Variants in ARL15 observed in about 807,000 individuals in gnomAD.
ARL15 encodes ARF like GTPase 15.
ARL15 carries 19 observed loss-of-function variants against 25.2 expected under a neutral mutation model. That is an observed-to-expected ratio of 0.75 (90% CI 0.53 to 1.10). ARL15 has a LOEUF of 1.10. Among genes scored for constraint, ARL15 ranks in the 50% least tolerant of loss-of-function variants. The pLI is 0.00. For synonymous variants in ARL15, 94 were observed against 86.8 expected, an observed-to-expected ratio of 1.08 and a Z score of -0.46; for missense variants, 220 against 246.0, an observed-to-expected ratio of 0.89 and a Z score of 0.71.
At chr5:54,148,798 G>A (rs894735828) in intron 3 of ARL15, among the ~76,000 whole-genome samples, 5 of 152,126 alleles carry the variant, frequency 3.3e-5, no homozygotes, top group African/African-American at 1.2e-4. Flanking sequence ...ACCCAGTCCT[G>A]GTTACAGAAT....
chr5:54,282,145 G>A (rs1334866757), intron 1 of ARL15: 1 of 524,562 alleles, frequency 1.9e-6, no homozygotes, highest in Non-Finnish European at 2.4e-6. Context: ...TTTCTAAAGT[G>A]GTTGTATATA....
intron 4 of ARL15, among the ~76,000 whole-genome samples, chr5:54,104,039 A>G (rs1752517012): frequency 6.6e-6 from 1 of 152,106 alleles, no homozygotes; most frequent in Non-Finnish European, 1.5e-5. Flanking sequence ...ATTACAGTAT[A>G]TAGTTTGTGC....
chr5:54,130,729 T>C (rs1753401562), intron 3 of ARL15, among the ~76,000 whole-genome samples: 1 of 152,096 alleles, frequency 6.6e-6, no homozygotes, highest in South Asian at 2.1e-4. Context: ...AAATATAGAA[T>C]TGATTTTTGG....
chr5:53,970,772 T>G (rs1657397658), intron 4 of ARL15, among the ~76,000 whole-genome samples: 1 of 152,198 alleles, frequency 6.6e-6, no homozygotes, highest in African/African-American at 2.4e-5. Context: ...TTAAAGTTAT[T>G]ATAACTAGTT....
intron 1 of ARL15, among the ~76,000 whole-genome samples, chr5:54,286,709 T>C (rs928311129): frequency 5.9e-5 from 9 of 152,322 alleles, no homozygotes; most frequent in African/African-American, 2.2e-4. Flanking sequence ...CTGAAAATTC[T>C]GATTAAAAAG....
At chr5:54,011,459 A>G (rs1343796994) in intron 4 of ARL15, among the ~76,000 whole-genome samples, 2 of 152,172 alleles carry the variant, frequency 1.3e-5, no homozygotes, top group African/African-American at 2.4e-5. Context: ...TTGTTTTTAA[A>G]TAAATAACAG....
chr5:54,252,633 G>A (rs1757262771), intron 1 of ARL15, among the ~76,000 whole-genome samples: 1 of 152,168 alleles, frequency 6.6e-6, no homozygotes, highest in South Asian at 2.1e-4. Context: ...TTAACATGGA[G>A]TTCATTTGGG....
At chr5:53,912,853 T>C (rs902209471) in intron 4 of ARL15, among the ~76,000 whole-genome samples, 1 of 152,206 alleles carries the variant, frequency 6.6e-6, no homozygotes, top group African/African-American at 2.4e-5. Context: ...TGAACAAAGC[T>C]GAATAATCCC....
chr5:54,273,458 T>C (rs538726908), intron 1 of ARL15, among the ~76,000 whole-genome samples: 2 of 152,284 alleles, frequency 1.3e-5, no homozygotes, highest in South Asian at 4.2e-4. Context: ...GCAAAATAAC[T>C]GGCCTGGCCT....
chr5:53,932,614 C>T (rs1435788773), intron 4 of ARL15, among the ~76,000 whole-genome samples: 2 of 152,174 alleles, frequency 1.3e-5, no homozygotes, highest in Non-Finnish European at 2.9e-5. Context: ...GTGCCTTGAT[C>T]AAGAGTACTG....
chr5:54,071,935 T>C (rs2112075550), intron 4 of ARL15, among the ~76,000 whole-genome samples: 1 of 140,504 alleles, frequency 7.1e-6, no homozygotes, highest in South Asian at 2.2e-4. Flanking sequence ...ATTGCACCAC[T>C]GCACGCCAGC....
intron 4 of ARL15, among the ~76,000 whole-genome samples, chr5:54,068,715 A>C (rs1462607670): frequency 6.6e-6 from 1 of 152,244 alleles, no homozygotes; most frequent in Non-Finnish European, 1.5e-5. Context: ...CAAAAAATTG[A>C]AATGCTTATC....
rs780050211 is a variant in ARL15 at position 54,273,566 on chromosome 5, C to T, written c.48+36866G>A. ...TATTGAATACCTACTGTCTGGATAA[C>T]GGCAGTGTGTGGTGGCTAAGAATGT... On this transcript the variant is annotated intron_variant, in intron 1 of 4. Coordinates refer to ENST00000504924, the MANE Select transcript of ARL15 (RefSeq NM_019087.3). Among the ~76,000 whole-genome samples the T allele has an allele frequency of 7.6e-4, 115 of 152,112 alleles. 1 individual carries two copies. Among genetic ancestry groups the T allele is most frequent in the African/African-American group, 3.4e-4 (14 of 41,420 alleles).
chr5:53,945,308 G>A (rs1561160088), intron 4 of ARL15, among the ~76,000 whole-genome samples: 2 of 152,094 alleles, frequency 1.3e-5, no homozygotes, highest in Non-Finnish European at 2.9e-5. Context: ...TCGTTTACTG[G>A]GTATGTTTAC....
intron 4 of ARL15, among the ~76,000 whole-genome samples, chr5:53,990,933 C>T (rs759116086): frequency 5.3e-5 from 8 of 151,870 alleles, no homozygotes; most frequent in African/African-American, 1.5e-4. Flanking sequence ...TGGCTTATTC[C>T]GAATATCTTA....
intron 1 of ARL15, among the ~76,000 whole-genome samples, chr5:54,244,211 A>G (rs1318230770): frequency 1.3e-5 from 2 of 152,238 alleles, no homozygotes; most frequent in African/African-American, 4.8e-5. Flanking sequence ...AAAATAGTTT[A>G]CAAAAGAGAA....
chr5:54,276,778 T>C (rs1409376450), intron 1 of ARL15, among the ~76,000 whole-genome samples: 1 of 152,140 alleles, frequency 6.6e-6, no homozygotes, highest in African/African-American at 2.4e-5. Context: ...GTCAGAGTCA[T>C]AGAGGAGATG....
intron 4 of ARL15, among the ~76,000 whole-genome samples, chr5:54,092,376 G>A (rs1044854560): frequency 1.3e-5 from 2 of 152,046 alleles, no homozygotes; most frequent in Admixed American, 6.5e-5. Flanking sequence ...TAAATGGATG[G>A]GTGAAACAAG....
intron 1 of ARL15, among the ~76,000 whole-genome samples, chr5:54,267,696 G>A (rs1313636450): frequency 6.6e-6 from 1 of 152,054 alleles, no homozygotes; most frequent in Non-Finnish European, 1.5e-5. Flanking sequence ...TAGCTTGTCT[G>A]TAAAGAATTT....
Sources: gnomAD v4.1 joint callset for allele counts (sites outside exome capture counted in the v4.1 genomes callset) on GRCh38, gnomAD v4.1.1 for gene constraint, MANE v1.5 for transcripts, NCBI Gene and HGNC (gene_info 2026-07-23, HGNC 2026-07-21) for gene names.